CAMSAP3: variants seen among roughly 807,000 people sequenced by gnomAD.
The protein encoded by CAMSAP3 is calmodulin regulated spectrin associated protein family member 3, also known as calmodulin-regulated spectrin-associated protein 3.
Under a neutral mutation model 112.5 loss-of-function variants are expected in CAMSAP3, and 34 were observed. The ratio of observed to expected loss-of-function variants is 0.30; its 90% CI spans 0.23 to 0.40. The LOEUF is 0.40. Ranked by LOEUF, CAMSAP3 falls within the 10% of genes least tolerant of loss-of-function variation. The pLI is 1.00. For synonymous variants in CAMSAP3, 868 were observed against 799.8 expected, an observed-to-expected ratio of 1.09 and a Z score of -1.44; for missense variants, 1,602 against 1,770.3, an observed-to-expected ratio of 0.90 and a Z score of 1.71.
Position 7,607,882 on chromosome 19 carries a change from C to T in CAMSAP3, c.622-244C>T, listed in dbSNP as rs764116416. The T allele has an allele frequency of 2.4e-5, 26 of 1,082,316 alleles. No individual in the cohort carries two copies. The highest frequency in any genetic ancestry group is 1.2e-4 in the South Asian group (8 of 69,362). 67.0% of individuals were successfully genotyped at this position (1,082,316 alleles called of 1,614,324 possible). ...AAACCCCCCATGGTAATGTATCCCC[C>T]GCCCCGGGGTCCCAGGAGTCCCTGT... On this transcript the variant is annotated intron_variant, in intron 4 of 16. Transcript: ENST00000160298. This position sits in a 1 kb window ranked among gnomAD's most constrained non-coding sequence, Gnocchi z 4.9.
In CAMSAP3 at chr19:7,612,333, A is replaced by G. The variant is rs1330471188; in HGVS notation, c.1840A>G (p.Ile614Val). 6 of 1,604,634 alleles carry G rather than the reference A, an allele frequency of 3.7e-6. No individual in the cohort carries two copies. The highest frequency in any genetic ancestry group is 8.5e-7 in the Non-Finnish European group (1 of 1,177,954). Reference sequence around the variant, plus strand: ...CCGGCTGGAGGAGAAACGCAGAGCCATCGAGGCTCAGAAGCGACGGATTGA... The same window carrying G: ...CCGGCTGGAGGAGAAACGCAGAGCCGTCGAGGCTCAGAAGCGACGGATTGA... ...SARLEEKRRA[I>V]EAQKRRIEAI... Residue 614 changes from isoleucine to valine, a missense_variant, in exon 11 of 17, where the codon ATC becomes GTC. Coordinates refer to ENST00000160298, the MANE Select transcript of CAMSAP3 (RefSeq NM_020902.2).
chr19:7,615,683 T>C lies in CAMSAP3; in HGVS notation c.3076T>C (p.Ser1026Pro). ...GCCTCGCTCGGGTTGCTGTGACGAC[T>C]CAGCCCTGGCACGAAGCCCAGCCCG... Reference protein sequence around the residue: ...TRPRSGCCDDSALARSPARGL... With the variant: ...TRPRSGCCDDPALARSPARGL... Residue 1026 changes from serine (S) to proline (P), a missense_variant, in exon 13 of 17, where the codon TCA (serine) becomes CCA (proline). Ser to Pro is a moderately conservative substitution (Grantham distance 74, BLOSUM62 -1). Transcript: ENST00000160298. This position sits in a 1 kb window ranked among gnomAD's most constrained non-coding sequence, Gnocchi z 6.5. 1 of 1,422,880 alleles carries C rather than the reference T, an allele frequency of 7.0e-7. No homozygotes were observed. Among genetic ancestry groups the C allele is most frequent in the Non-Finnish European group, 9.1e-7 (1 of 1,094,124 alleles). 88.1% of individuals were successfully genotyped at this position (1,422,880 alleles called of 1,614,324 possible).
chr19:7,602,331 G>T (rs1356551547), intron 1 of CAMSAP3, among the ~76,000 whole-genome samples: 1 of 152,174 alleles, frequency 6.6e-6, no homozygotes, highest in African/African-American at 2.4e-5. Flanking sequence ...AAGAACATCG[G>T]TGTATAATAA....
At chr19:7,614,039 A>C (rs1876739315) in intron 11 of CAMSAP3, among the ~76,000 whole-genome samples, 1 of 152,044 alleles carries the variant, frequency 6.6e-6, no homozygotes, top group South Asian at 2.1e-4. Flanking sequence ...AGGCAGGCGG[A>C]TCATGAGGTC....
chr19:7,597,064 CAG>C (rs1705413421), intron 1 of CAMSAP3, among the ~76,000 whole-genome samples: 1 of 152,200 alleles, frequency 6.6e-6, no homozygotes, highest in African/African-American at 2.4e-5. Flanking sequence ...CCAGAGAAGA[CAG>C]GGGTTAATTA....
Position 7,606,560 on chromosome 19 carries a change from G to A in CAMSAP3, c.610G>A (p.Ala204Thr). 1 of 1,535,830 alleles carries A rather than the reference G, an allele frequency of 6.5e-7. No individual in the cohort carries two copies. Reference protein sequence around the residue: ...PAAPADGAAPAQPSIRYRKDR... With the variant: ...PAAPADGAAPTQPSIRYRKDR... ...AGCCCCTGCAGACGGGGCGGCCCCG[G>A]CGCAGCCCTCGGTGAGGCCAGGGCA... Residue 204 changes from alanine (A) to threonine (T), a missense_variant, in exon 4 of 17, where the codon GCG becomes ACG. This residue lies in a region of CAMSAP3 where 112 missense variants were observed against 94.2 expected (regional missense o/e 1.19). Coordinates refer to ENST00000160298, the MANE Select transcript of CAMSAP3 (RefSeq NM_020902.2).
chr19:7,618,034 A>G lies in CAMSAP3; in HGVS notation c.3727A>G (p.Lys1243Glu). ...WQGKKPTTPK[K>E]GGGTPK is the part of the protein sequence containing the mutation. ...GGGCAAGAAACCCACCACTCCCAAG[A>G]AGGGCGGCGGCACCCCCAAATAGCC... The change falls in exon 17 of 17, where the codon AAG becomes GAG. Residue 1243 changes from lysine to glutamate, a missense_variant. Around this residue, in one of 6 missense-constraint regions of CAMSAP3, gnomAD observed 150 missense variants for 207.6 expected, o/e 0.72. Transcript: ENST00000160298. The G allele has an allele frequency of 6.2e-7, 1 of 1,613,198 alleles. No homozygotes were observed.
In CAMSAP3 at chr19:7,604,867, C is replaced by T. The variant is rs1224980500; in HGVS notation, c.149-359C>T. On this transcript the variant is annotated intron_variant, in intron 1 of 16. Transcript: ENST00000160298. ...AGAGCAGGAAGGCTCTTAGGATTGC[C>T]GATGTTATTGTCTTTCCTGGGACCT... 3.3e-5 allele frequency among the ~76,000 whole-genome samples: 5 copies of T among 152,062 alleles called. No homozygotes were observed. In the South Asian group the frequency reaches 6.2e-4, roughly 19 times the overall value.
Position 7,607,741 on chromosome 19 carries a change from C to G in CAMSAP3, c.622-385C>G. On this transcript the variant is annotated intron_variant, in intron 4 of 16. Transcript: ENST00000160298. The surrounding 1 kb of genome is among the most constrained non-coding windows in gnomAD (Gnocchi z 4.9). Reference sequence around the variant, plus strand: ...GCTCAGGACCAGGGTCAGGGCTACCCCCTCCCCCCCAAGGTGGGCTTGGGG... The same window carrying G: ...GCTCAGGACCAGGGTCAGGGCTACCGCCTCCCCCCCAAGGTGGGCTTGGGG... 1 of 560,344 alleles carries G rather than the reference C, an allele frequency of 1.8e-6. No individual in the cohort carries two copies. Among genetic ancestry groups the G allele is most frequent in the Non-Finnish European group, 3.2e-6 (1 of 310,782 alleles). 34.7% of individuals were successfully genotyped at this position (560,344 alleles called of 1,614,324 possible).
Position 7,605,245 on chromosome 19 carries a change from G to A in CAMSAP3, c.168G>A (p.Leu56=). 2 of 1,567,260 alleles carry A rather than the reference G, an allele frequency of 1.3e-6. No homozygotes were observed. Among genetic ancestry groups the A allele is most frequent in the Non-Finnish European group, 1.7e-6 (2 of 1,156,204 alleles). The part of the protein sequence containing the change: ...FGGAEHVPPE[L]WEPFYTDQYA... ...CCACAGAGCACGTGCCCCCGGAGCT[G>A]TGGGAGCCCTTCTATACCGACCAGT... is the stretch of plus-strand genomic sequence containing the variant. Residue 56 remains leucine (L), a synonymous_variant, in exon 2 of 17, where the codon CTG becomes CTA. Transcript: ENST00000160298.
At chr19:7,606,695 C>T (rs1360729303) in intron 4 of CAMSAP3, 124 bp downstream of exon 4, 4 of 1,583,588 alleles carry the variant, frequency 2.5e-6, no homozygotes, top group Non-Finnish European at 2.6e-6. Flanking sequence ...TCTCTTTCTT[C>T]CCCCCTCTCT....
Position 7,606,528 on chromosome 19 carries a change from C to G in CAMSAP3, c.578C>G (p.Ser193Cys), listed in dbSNP as rs778389304. Residue 193 changes from serine to cysteine, a missense_variant, in exon 4 of 17, where the codon TCT becomes TGT. Coordinates refer to ENST00000160298, the MANE Select transcript of CAMSAP3 (RefSeq NM_020902.2). ...GAGCAGGAAGCGGCCCAGCGAGCCT[C>G]TCCAGCAGCCCCTGCAGACGGGGCG... ...KTEQEAAQRA[S>C]PAAPADGAAP... is the part of the protein sequence containing the mutation. 6.4e-7 allele frequency: 1 copy of G among 1,557,876 alleles called. No homozygotes were observed. Among genetic ancestry groups the G allele is most frequent in the East Asian group, 2.4e-5 (1 of 42,362 alleles).
At chr19:7,608,972 A>G (rs2030345864) in intron 5 of CAMSAP3, among the ~76,000 whole-genome samples, 1 of 151,942 alleles carries the variant, frequency 6.6e-6, no homozygotes, top group South Asian at 2.1e-4. Flanking sequence ...CCTAAAGGCA[A>G]TGGGTGGTCA....
At chr19:7,601,492 T>C (rs1202618081) in intron 1 of CAMSAP3, among the ~76,000 whole-genome samples, 1 of 152,082 alleles carries the variant, frequency 6.6e-6, no homozygotes, top group Non-Finnish European at 1.5e-5. Flanking sequence ...CTAATTTTTG[T>C]ATTTTTAGTA....
At position 7,610,994 on chromosome 19, in the gene CAMSAP3, C is replaced by G; in HGVS notation, c.1049+63C>G. On this transcript the variant is annotated intron_variant, in intron 8 of 16. Transcript: ENST00000160298. This position sits in a 1 kb window ranked among gnomAD's most constrained non-coding sequence, Gnocchi z 4.9. ...GGTGTGGGGCTCCATGTCTGCCTTG[C>G]TGAGCACTGGGACGCAGCTGGGTGA... 2 of 1,582,632 alleles carry G rather than the reference C, an allele frequency of 1.3e-6. No individual in the cohort carries two copies. The highest frequency in any genetic ancestry group is 8.6e-7 in the Non-Finnish European group (1 of 1,158,104).
At chr19:7,606,942 C>G in intron 4 of CAMSAP3, 1 of 967,514 alleles carries the variant, frequency 1.0e-6, no homozygotes, top group Non-Finnish European at 1.7e-6. Flanking sequence ...AGGTTGGACC[C>G]CAGTCCTGGG....
At position 7,618,099 on chromosome 19, in the gene CAMSAP3, G is replaced by C; in HGVS notation, c.*42G>C. 3 of 1,580,044 alleles carry C rather than the reference G, an allele frequency of 1.9e-6. No homozygotes were observed. The highest frequency in any genetic ancestry group is 1.7e-6 in the Non-Finnish European group (2 of 1,162,986). On this transcript the variant is annotated 3_prime_UTR_variant, in exon 17 of 17. Coordinates refer to ENST00000160298, the MANE Select transcript of CAMSAP3 (RefSeq NM_020902.2). ...CACGGGCCGGGCCCTGTGTGCTGCG[G>C]CCGCCATCCCCTGGAGGACAGTCAG...
At chr19:7,616,888 A>C (rs1356678742) in intron 14 of CAMSAP3, among the ~76,000 whole-genome samples, 1 of 134,182 alleles carries the variant, frequency 7.5e-6, no homozygotes, top group African/African-American at 2.8e-5. Flanking sequence ...TGGACTTGGG[A>C]GGGTGTGCAG....
At chr19:7,605,623 C>T in intron 2 of CAMSAP3, 144 bp downstream of exon 2, 1 of 1,002,420 alleles carries the variant, frequency 1.0e-6, no homozygotes, top group East Asian at 3.2e-5. Flanking sequence ...CTAGCTCCTC[C>T]CATCAGGCTT....
Sources: gnomAD v4.1 joint callset for allele counts (sites outside exome capture counted in the v4.1 genomes callset) on GRCh38, gnomAD v4.1.1 for gene constraint, gnomAD v4.1.1 regional missense constraint, Gnocchi (gnomAD v3.1) non-coding constraint, MANE v1.5 for transcripts, NCBI Gene and HGNC (gene_info 2026-07-23, HGNC 2026-07-21) for gene names.